The following NUDC variants were observed in gnomAD, a reference collection of about 807,000 sequenced individuals.
NUDC encodes the protein nuclear distribution C, dynein complex regulator, also known as nuclear migration protein nudC.
A neutral mutation model predicts 45.0 loss-of-function variants in NUDC; 14 were observed. The ratio of observed to expected loss-of-function variants is 0.31; its 90% CI spans 0.21 to 0.49. The LOEUF (loss-of-function observed/expected upper bound fraction) is 0.49, where lower values mean the gene tolerates loss of function less well. Among genes scored for constraint, NUDC ranks in the 20% least tolerant of loss-of-function variants. The probability of loss-of-function intolerance (pLI) is 0.99; values close to 1 mark genes in which losing one functional copy is unlikely to be tolerated. For synonymous variants in NUDC, 153 were observed against 156.7 expected (o/e 0.98, Z 0.17); for missense variants, 323 against 426.2 (o/e 0.76, Z 2.13).
chr1:26,903,935 C>T lies in NUDC; in HGVS notation c.-16+1569C>T, dbSNP rs1007959963. Among the ~76,000 whole-genome samples, 58 of 150,804 alleles carry T rather than the reference C, an allele frequency of 3.8e-4. 1 individual carries two copies. Among genetic ancestry groups the T allele is most frequent in the African/African-American group, 1.2e-3 (51 of 41,142 alleles). On this transcript the variant is annotated intron_variant, in intron 2 of 6. Transcript: ENST00000435827. The stretch of plus-strand genomic sequence containing the variant: ...CTGAGGCAGGAGAATGGTGTGAACC[C>T]GGGAGGCGGAGCTTGCAGTGAGCCG...
rs1293429961 is a variant in NUDC at position 26,941,348 on chromosome 1, G to C, written c.160-109G>C. 1.4e-5 allele frequency: 15 copies of C among 1,082,150 alleles called. No individual in the cohort carries two copies. The Admixed American group carries it at 3.0e-4, about 22-fold the overall frequency. The allele number at this position is 1,082,150 out of a possible 1,614,324, so 67.0% of individuals were successfully genotyped here. A position where few individuals can be genotyped will look rare whatever the true frequency, so the allele number is the denominator to read the frequency against. On this transcript the variant is annotated intron_variant, in intron 2 of 8. Transcript: ENST00000321265. ...TGCACATGAGGAAACCGAGTTTCTG[G>C]GTGCAGTGCTTTGCCCTTGCACCCA...
intron 3 of NUDC, chr1:26,911,962 G>C (rs1489763753): frequency 6.2e-7 from 1 of 1,614,124 alleles, no homozygotes; most frequent in Non-Finnish European, 8.5e-7. Flanking sequence ...TGGAGGCCGT[G>C]AGGAGGACAC....
Position 26,942,898 on chromosome 1 carries a change from C to G in NUDC, c.574C>G (p.Arg192Gly). Residue 192 changes from arginine (R) to glycine (G), a missense_variant, in exon 6 of 9, where the codon CGG becomes GGG. Arg to Gly is a moderately radical substitution (Grantham distance 125, BLOSUM62 -2). This residue lies in a region of NUDC where 245 missense variants were observed against 278.8 expected (regional missense o/e 0.88). Transcript: ENST00000321265. Reference sequence around the variant, plus strand: ...GGCGGTCCCTTTCTGTGTGAACTTCCGGCTGAAAGGGAAGGACATGGTGGT... The same window carrying G: ...GGCGGTCCCTTTCTGTGTGAACTTCGGGCTGAAAGGGAAGGACATGGTGGT... ...DLAVPFCVNF[R>G]LKGKDMVVDI... 1 of 1,613,786 alleles carries G rather than the reference C, an allele frequency of 6.2e-7. No homozygotes were observed. Among genetic ancestry groups the G allele is most frequent in the Non-Finnish European group, 8.5e-7 (1 of 1,180,032 alleles).
At chr1:26,909,568 A>T (rs2082016790) in intron 2 of NUDC, among the ~76,000 whole-genome samples, 1 of 152,218 alleles carries the variant, frequency 6.6e-6, no homozygotes, top group Admixed American at 6.5e-5. Context: ...GGGAAGACCC[A>T]GCTTGAGGAT....
intron 2 of NUDC, among the ~76,000 whole-genome samples, chr1:26,934,385 G>A (rs894908028): frequency 8.5e-5 from 13 of 152,154 alleles, no homozygotes; most frequent in African/African-American, 2.9e-4. Context: ...CCTCCACCTG[G>A]TACTGCCTTT....
intron 2 of NUDC, among the ~76,000 whole-genome samples, chr1:26,905,514 T>A (rs2081999497): frequency 6.6e-6 from 1 of 152,122 alleles, no homozygotes; most frequent in African/African-American, 2.4e-5. Flanking sequence ...ACAAGGGACA[T>A]CTGGCTAGGG....
chr1:26,938,817 G>A (rs1351777985), intron 2 of NUDC, among the ~76,000 whole-genome samples: 2 of 152,172 alleles, frequency 1.3e-5, no homozygotes, highest in Admixed American at 6.5e-5. Flanking sequence ...GCCTCTAGGG[G>A]TATGTGCGTA....
intron 2 of NUDC, among the ~76,000 whole-genome samples, chr1:26,909,825 G>T (rs563757409): frequency 6.6e-6 from 1 of 152,178 alleles, no homozygotes; most frequent in African/African-American, 2.4e-5. Flanking sequence ...CTGGTGGGAG[G>T]TGGGGGGATA....
At chr1:26,906,203 T>C (rs2082002030) in intron 2 of NUDC, among the ~76,000 whole-genome samples, 1 of 150,882 alleles carries the variant, frequency 6.6e-6, no homozygotes, top group South Asian at 2.1e-4. Flanking sequence ...CATTTGAATC[T>C]GGGAGGTGGA....
At chr1:26,922,484 T>G (rs999513047) in intron 1 of NUDC, 2 of 159,690 alleles carry the variant, frequency 1.3e-5, no homozygotes, top group African/African-American at 4.8e-5. Context: ...CAGAGAGTAG[T>G]TAAGAACCGT....
At chr1:26,900,511 G>A (rs759737419) in intron 1 of NUDC, 83 of 1,326,654 alleles carry the variant, frequency 6.3e-5, no homozygotes, top group Non-Finnish European at 8.3e-5. Context: ...TCCAGCCCCT[G>A]CGTTGCGAGA....
intron 2 of NUDC, among the ~76,000 whole-genome samples, chr1:26,902,613 G>A (rs1469475191): frequency 1.3e-5 from 2 of 152,060 alleles, no homozygotes; most frequent in African/African-American, 4.8e-5. Context: ...GGCAGGGTGT[G>A]GTAACTCACA....
intron 3 of NUDC, among the ~76,000 whole-genome samples, chr1:26,914,657 C>T (rs2082051636): frequency 6.6e-6 from 1 of 152,094 alleles, no homozygotes; most frequent in Non-Finnish European, 1.5e-5. Context: ...GAGAAGAACT[C>T]ACAGAATTAT....
chr1:26,911,541 A>ATTC (rs2082026394), intron 3 of NUDC: 11 of 420,278 alleles, frequency 2.6e-5, no homozygotes, highest in Non-Finnish European at 4.9e-5. Flanking sequence ...GTTCTGTATA[A>ATTC]AGTCGATAGG....
Position 26,942,885 on chromosome 1 carries a change from C to T in NUDC, c.561C>T (p.Phe187=). 6.2e-7 allele frequency: 1 copy of T among 1,613,808 alleles called. No homozygotes were observed. The highest frequency in any genetic ancestry group is 8.5e-7 in the Non-Finnish European group (1 of 1,180,036). ...TLSELDLAVP[F]CVNFRLKGKD... ...GCCCTATGCAGCTGGCGGTCCCTTT[C>T]TGTGTGAACTTCCGGCTGAAAGGGA... is the stretch of plus-strand genomic sequence containing the variant. Residue 187 remains phenylalanine (F), a synonymous_variant, in exon 6 of 9, where the codon TTC becomes TTT. Coordinates refer to ENST00000321265, the MANE Select transcript of NUDC (RefSeq NM_006600.4).
rs747446963 is a variant in NUDC at position 26,924,147 on chromosome 1, A to G, written c.140A>G (p.Glu47Gly). The change falls in exon 2 of 9, where the codon GAA becomes GGA. Residue 47 changes from glutamate (E) to glycine (G), a missense_variant. Glu to Gly is a moderately conservative substitution (Grantham distance 98). Transcript: ENST00000321265. ...RRKTDFFIGG[E>G]EGMAEKLITQ... ...AAAACAGACTTTTTCATTGGAGGAG[A>G]AGAAGGGATGGCAGAGAAGGTAAGT... 2.5e-6 allele frequency: 4 copies of G among 1,614,060 alleles called. No homozygotes were observed. Among genetic ancestry groups the G allele is most frequent in the African/African-American group, 1.3e-5 (1 of 75,030 alleles).
At chr1:26,913,742 C>T (rs1268708500) in intron 3 of NUDC, 2 of 1,594,620 alleles carry the variant, frequency 1.3e-6, no homozygotes, top group Non-Finnish European at 1.7e-6. Context: ...AGGAAGGCCA[C>T]TGTCTTGGCC....
chr1:26,919,443 G>A (rs1175287313), upstream of NUDC, among the ~76,000 whole-genome samples: 2 of 152,190 alleles, frequency 1.3e-5, no homozygotes, highest in Non-Finnish European at 2.9e-5. Context: ...TTACAGGCAT[G>A]AGCCTCCGCA....
intron 4 of NUDC, 109 bp from the exon 5 acceptor site, chr1:26,942,551 T>C: frequency 6.5e-7 from 1 of 1,537,846 alleles, no homozygotes; most frequent in Non-Finnish European, 9.0e-7. Flanking sequence ...CCAGGTCTGT[T>C]TTCTTTTGTG....
Sources: allele counts gnomAD v4.1 joint callset (sites outside exome capture counted in the v4.1 genomes callset), GRCh38; gene constraint gnomAD v4.1.1; regional missense constraint gnomAD v4.1.1; transcripts MANE v1.5; gene names NCBI Gene and HGNC (gene_info 2026-07-23, HGNC 2026-07-21).